SUMF1: variants seen among roughly 807,000 people sequenced by gnomAD.
The protein encoded by SUMF1 is formylglycine-generating enzyme.
A neutral mutation model predicts 47.6 loss-of-function variants in SUMF1; 48 were observed. That is an observed-to-expected ratio of 1.01 (90% confidence interval 0.80 to 1.28). SUMF1 has a LOEUF of 1.28. Among genes scored for constraint, SUMF1 ranks in the 50% most tolerant of loss-of-function variants. The pLI, the probability that SUMF1 is intolerant of heterozygous loss-of-function variation, is 0.00. For missense variants in SUMF1, 571 were observed against 485.4 expected (o/e 1.18, Z -1.66); for synonymous variants, 230 against 192.1 (o/e 1.20, Z -1.63).
At chr3:4,036,849 C>CAAAAAAA (rs3048145) in intron 9 of SUMF1, among the ~76,000 whole-genome samples, 1 of 75,142 alleles carries the variant, frequency 1.3e-5, no homozygotes, top group African/African-American at 5.8e-5. Context: ...GTCAGTGAGG[C>CAAAAAAA]AAAAAAAAAA....
chr3:4,323,628 C>A (rs58181194), intron 8 of SUMF1, among the ~76,000 whole-genome samples: 1,712 of 152,248 alleles, frequency 0.011, 38 homozygotes, highest in African/African-American at 0.039. Context: ...AGGAGGACAA[C>A]AACCACCTGG....
At chr3:4,059,835 T>G (rs1695248892) in intron 9 of SUMF1, among the ~76,000 whole-genome samples, 3 of 147,220 alleles carry the variant, frequency 2.0e-5, no homozygotes, top group Admixed American at 1.4e-4. Context: ...ATCTGAAAAG[T>G]AAATCAGAGG....
intron 3 of SUMF1, among the ~76,000 whole-genome samples, chr3:4,429,801 A>G (rs900537040): frequency 3.9e-5 from 6 of 152,110 alleles, no homozygotes; most frequent in African/African-American, 1.4e-4. Flanking sequence ...ACACAGAACA[A>G]ATTCTGAACA....
At chr3:4,173,249 T>C (rs1240589842) in intron 8 of SUMF1, among the ~76,000 whole-genome samples, 1 of 152,186 alleles carries the variant, frequency 6.6e-6, no homozygotes, top group Non-Finnish European at 1.5e-5. Context: ...TACCACACTG[T>C]TTTGATTACT....
At chr3:4,226,411 A>G (rs1422801706) in intron 8 of SUMF1, among the ~76,000 whole-genome samples, 1 of 151,430 alleles carries the variant, frequency 6.6e-6, no homozygotes, top group Non-Finnish European at 1.5e-5. Context: ...CTGGGACTAC[A>G]GGTGCACCCC....
At chr3:4,455,771 G>T (rs1051348748) in intron 1 of SUMF1, among the ~76,000 whole-genome samples, 1 of 151,964 alleles carries the variant, frequency 6.6e-6, no homozygotes, top group Non-Finnish European at 1.5e-5. Flanking sequence ...AGAACCAGAT[G>T]GCTTCATGGC....
In SUMF1 at chr3:4,335,967, A is replaced by AACAAAAAAAAC. The variant is rs1373735525; in HGVS notation, c.1014+40362_1014+40363insGTTTTTTTTGT. Among the ~76,000 whole-genome samples the AACAAAAAAAAC allele has an allele frequency of 1.3e-4, 19 of 144,074 alleles. No individual in the cohort carries two copies. The South Asian group carries it at 1.5e-3, about 11-fold the overall frequency. The allele number at this position is 144,074 out of a possible 152,430, so 94.5% of individuals were successfully genotyped here. A position where few individuals can be genotyped will look rare whatever the true frequency, so the allele number is the denominator to read the frequency against. On this transcript the variant is annotated intron_variant and NMD_transcript_variant, in intron 8 of 12. Transcript: ENST00000448413. ...CTGAGTGAGATTCCAACTCAAAAAA[A>AACAAAAAAAAC]AAAAAAAAAAAAACAGAAAAAACCC... is the stretch of plus-strand genomic sequence containing the variant.
chr3:4,303,887 C>A (rs1312220266), intron 8 of SUMF1: 2 of 1,261,426 alleles, frequency 1.6e-6, no homozygotes, highest in Admixed American at 5.7e-5. Context: ...AGCCGTGGGG[C>A]CTATTAATGG....
chr3:4,459,319 T>A (rs1298400703), intron 1 of SUMF1, among the ~76,000 whole-genome samples: 1 of 152,058 alleles, frequency 6.6e-6, no homozygotes, highest in Non-Finnish European at 1.5e-5. Flanking sequence ...TATAAAATTA[T>A]TTGTCAATTA....
At chr3:4,393,188 G>A (rs1257626800) in intron 7 of SUMF1, among the ~76,000 whole-genome samples, 3 of 152,156 alleles carry the variant, frequency 2.0e-5, no homozygotes, top group Admixed American at 1.3e-4. Flanking sequence ...CATGCTGCAG[G>A]ATTTCCCAAA....
chr3:4,126,861 TA>T (rs1253770457), intron 8 of SUMF1, among the ~76,000 whole-genome samples: 1 of 152,224 alleles, frequency 6.6e-6, no homozygotes, highest in Admixed American at 6.5e-5. Context: ...TAGTCTTACC[TA>T]CTTTCAATCT....
chr3:4,235,078 C>G lies in SUMF1; in HGVS notation c.1014+141252G>C, dbSNP rs73133363. On this transcript the variant is annotated intron_variant and NMD_transcript_variant, in intron 8 of 12. Transcript: ENST00000448413. ...TAACACCAGAGGCAGAGAAACCAGG[C>G]AGGAAACAGCTGCAGTAACCTAGCT... Among the ~76,000 whole-genome samples, 353 of 152,150 alleles carry G rather than the reference C, an allele frequency of 2.3e-3. 2 individuals carry two copies. The highest frequency in any genetic ancestry group is 8.1e-3 in the African/African-American group (335 of 41,522).
At chr3:4,312,717 A>AC (rs1698456547) in intron 8 of SUMF1, among the ~76,000 whole-genome samples, 1 of 151,636 alleles carries the variant, frequency 6.6e-6, no homozygotes, top group Admixed American at 6.6e-5. Context: ...AAAAAAAAAA[A>AC]AAAACTTGTT....
At chr3:4,451,990 G>T (rs1702988370) in intron 2 of SUMF1, among the ~76,000 whole-genome samples, 1 of 151,976 alleles carries the variant, frequency 6.6e-6, no homozygotes, top group Non-Finnish European at 1.5e-5. Context: ...GCCCAAAAAA[G>T]GTTTCTAACC....
At chr3:4,454,574 G>C (rs1169820576) in intron 1 of SUMF1, among the ~76,000 whole-genome samples, 1 of 152,062 alleles carries the variant, frequency 6.6e-6, no homozygotes, top group African/African-American at 2.4e-5. Flanking sequence ...AGTTCTCCTA[G>C]GTATATACCC....
At chr3:4,037,893 T>C (rs1441218723) in intron 9 of SUMF1, among the ~76,000 whole-genome samples, 6 of 152,208 alleles carry the variant, frequency 3.9e-5, no homozygotes, top group Non-Finnish European at 8.8e-5. Context: ...ACTGACATCT[T>C]GCCTTTGGTT....
intron 8 of SUMF1, among the ~76,000 whole-genome samples, chr3:4,265,155 AAAAAG>A (rs1424483861): frequency 2.0e-5 from 3 of 151,664 alleles, no homozygotes; most frequent in Non-Finnish European, 4.4e-5. Flanking sequence ...AAAAAAAAAA[AAAAAG>A]AACACTTAGG....
chr3:4,409,026 C>A (rs1449897609), intron 7 of SUMF1, among the ~76,000 whole-genome samples: 3 of 151,898 alleles, frequency 2.0e-5, no homozygotes, highest in Non-Finnish European at 2.9e-5. Context: ...ACACTTTATT[C>A]TTTGGATAAT....
chr3:4,335,893 G>A (rs2125133536), intron 8 of SUMF1, among the ~76,000 whole-genome samples: 1 of 140,732 alleles, frequency 7.1e-6, no homozygotes. Flanking sequence ...CCAGGAGGCA[G>A]AGGTTGCAAT....
Sources: allele counts gnomAD v4.1 joint callset (sites outside exome capture counted in the v4.1 genomes callset), GRCh38; gene constraint gnomAD v4.1.1; transcripts MANE v1.5; gene names NCBI Gene and HGNC (gene_info 2026-07-23, HGNC 2026-07-21).